Variants in WRN observed in about 807,000 individuals in gnomAD.
WRN encodes the protein bifunctional 3'-5' exonuclease/ATP-dependent helicase WRN.
WRN carries 149 observed loss-of-function variants against 180.7 expected under a neutral mutation model. That is an observed-to-expected ratio of 0.82 (90% confidence interval 0.72 to 0.94). The LOEUF (loss-of-function observed/expected upper bound fraction) is 0.94, where lower values mean the gene tolerates loss of function less well. Ranked by LOEUF, WRN falls within the 40% of genes least tolerant of loss-of-function variation. The probability of loss-of-function intolerance (pLI) is 0.00; values close to 1 mark genes in which losing one functional copy is unlikely to be tolerated. For missense variants in WRN, 1,661 were observed against 1,700.1 expected, an observed-to-expected ratio of 0.98 and a Z score of 0.40; for synonymous variants, 548 against 568.9, an observed-to-expected ratio of 0.96 and a Z score of 0.52.
rs578101386 is a variant in WRN at position 31,077,461 on chromosome 8, C to T, written c.839+1174C>T. 7.9e-5 allele frequency among the ~76,000 whole-genome samples: 12 copies of T among 152,230 alleles called. No individual in the cohort carries two copies. The East Asian group carries it at 2.1e-3, about 27-fold the overall frequency. On this transcript the variant is annotated intron_variant, in intron 8 of 34. Coordinates refer to ENST00000298139, the MANE Select transcript of WRN (RefSeq NM_000553.6). ...GTTTCACCGTGTTAGCCAGGATCGTCTCGATCTCCGGACCTCGTGATCTGC... is the reference window on the plus strand; with the variant it reads ...GTTTCACCGTGTTAGCCAGGATCGTTTCGATCTCCGGACCTCGTGATCTGC...
At chr8:31,143,515 CTTTT>C in intron 27 of WRN, 31 bp from the exon 28 acceptor site, 1 of 1,461,116 alleles carries the variant, frequency 6.8e-7, no homozygotes, top group Non-Finnish European at 9.4e-7. Flanking sequence ...TTTTTTGAAA[CTTTT>C]TTTAATGGAC....
chr8:31,090,597 T>A (rs1426541804), intron 14 of WRN, 65 bp downstream of exon 14: 1 of 1,465,536 alleles, frequency 6.8e-7, no homozygotes, highest in Non-Finnish European at 9.5e-7. Context: ...TTGAAATGCT[T>A]AATCTTTCAT....
chr8:31,134,322 TTTAG>T (rs1318792955), intron 24 of WRN, among the ~76,000 whole-genome samples: 2 of 152,146 alleles, frequency 1.3e-5, no homozygotes, highest in African/African-American at 2.4e-5. Flanking sequence ...ATAATTGGAG[TTTAG>T]TTAAAGAGAT....
rs13439551 is a variant in WRN at position 31,154,300 on chromosome 8, G to C, written c.3688-324G>C. ...TTCATTCATTCAATATTCACTTCCA[G>C]GAGATTGGGGACTTATTTAAAGACA... On this transcript the variant is annotated intron_variant, in intron 31 of 34. Transcript: ENST00000298139. Among the ~76,000 whole-genome samples the C allele has an allele frequency of 3.8e-3, 584 of 152,032 alleles. 6 individuals carry two copies. Among genetic ancestry groups the C allele is most frequent in the African/African-American group, 0.014 (561 of 41,522 alleles).
chr8:31,172,580 A>C (rs1804144132), intron 34 of WRN, among the ~76,000 whole-genome samples: 1 of 152,224 alleles, frequency 6.6e-6, no homozygotes, highest in Admixed American at 6.5e-5. Context: ...TAGATGTTAG[A>C]AGCTATATTC....
At chr8:31,059,992 G>T (rs1299385085) in intron 3 of WRN, among the ~76,000 whole-genome samples, 1 of 151,894 alleles carries the variant, frequency 6.6e-6, no homozygotes, top group Non-Finnish European at 1.5e-5. Context: ...GGAGGCAGAG[G>T]TTGCGGTGAG....
At chr8:31,046,508 G>A (rs1563320409) in intron 1 of WRN, among the ~76,000 whole-genome samples, 2 of 152,156 alleles carry the variant, frequency 1.3e-5, no homozygotes, top group Non-Finnish European at 2.9e-5. Flanking sequence ...GGAGAAAAAT[G>A]ACCTTCCCTC....
intron 23 of WRN, among the ~76,000 whole-genome samples, chr8:31,126,389 A>G (rs1300259969): frequency 2.0e-5 from 3 of 152,244 alleles, no homozygotes; most frequent in Admixed American, 2.0e-4. Flanking sequence ...ACACTTATAA[A>G]TAAATCCATG....
At position 31,059,147 on chromosome 8, in the gene WRN, C is replaced by T; in HGVS notation, c.97-6C>T. 1 of 1,609,642 alleles carries T rather than the reference C, an allele frequency of 6.2e-7. No individual in the cohort carries two copies. Among genetic ancestry groups the T allele is most frequent in the Non-Finnish European group, 8.5e-7 (1 of 1,176,052 alleles). ...TGTGCCTGTTTTGAAATTTACTAAA[C>T]TCAAGGCATGTGTTCGGAAGAGTGT... is the stretch of plus-strand genomic sequence containing the variant. On this transcript the variant is annotated splice_region_variant and splice_polypyrimidine_tract_variant and intron_variant, in intron 2 of 34. Coordinates refer to ENST00000298139, the MANE Select transcript of WRN (RefSeq NM_000553.6).
intron 24 of WRN, among the ~76,000 whole-genome samples, chr8:31,136,410 T>G (rs1802398370): frequency 6.6e-6 from 1 of 152,244 alleles, no homozygotes; most frequent in South Asian, 2.1e-4. Flanking sequence ...TGAGTTAAAC[T>G]GAAAGCTGAA....
At chr8:31,146,438 T>C (rs1381301464) in intron 28 of WRN, among the ~76,000 whole-genome samples, 2 of 152,048 alleles carry the variant, frequency 1.3e-5, no homozygotes, top group African/African-American at 2.4e-5. Context: ...TTTATTTTCT[T>C]GGTTTTGAGT....
chr8:31,129,282 A>G (rs1188128206), intron 23 of WRN, among the ~76,000 whole-genome samples: 1 of 152,154 alleles, frequency 6.6e-6, no homozygotes, highest in African/African-American at 2.4e-5. Context: ...ACGCTTGACT[A>G]ATGTTTTTGT....
chr8:31,085,108 A>C, intron 10 of WRN, 58 bp from the exon 11 acceptor site: 1 of 1,568,836 alleles, frequency 6.4e-7, no homozygotes, highest in Non-Finnish European at 8.7e-7. Context: ...TGTTCTGCAG[A>C]AAAGAGGATA....
chr8:31,068,233 T>C, intron 6 of WRN, 25 bp from the exon 7 acceptor site: 5 of 1,548,358 alleles, frequency 3.2e-6, no homozygotes, highest in Non-Finnish European at 4.4e-6. Flanking sequence ...TAGCATACTT[T>C]TTAAATTTTT....
chr8:31,117,649 C>T (rs1486222688), intron 20 of WRN, among the ~76,000 whole-genome samples: 1 of 152,210 alleles, frequency 6.6e-6, no homozygotes, highest in East Asian at 1.9e-4. Context: ...AACTTCAGCT[C>T]TTGCATTTTC....
intron 33 of WRN, among the ~76,000 whole-genome samples, chr8:31,159,944 C>CA (rs35353095): frequency 0.24 from 24,487 of 101,688 alleles, 2,868 homozygotes; most frequent in Non-Finnish European, 0.28. Context: ...GACTCTGTCT[C>CA]AAAAAAAAAA....
intron 7 of WRN, among the ~76,000 whole-genome samples, chr8:31,069,731 G>A (rs1383584152): frequency 6.6e-6 from 1 of 152,162 alleles, no homozygotes; most frequent in Non-Finnish European, 1.5e-5. Flanking sequence ...ACAGAGGAAT[G>A]ACTGTATGTT....
intron 34 of WRN, among the ~76,000 whole-genome samples, chr8:31,168,595 C>T (rs964298248): frequency 6.6e-6 from 1 of 151,662 alleles, no homozygotes; most frequent in African/African-American, 2.4e-5. Flanking sequence ...CCCTTTTCCC[C>T]ATTTAGGGGA....
intron 7 of WRN, among the ~76,000 whole-genome samples, chr8:31,071,335 G>A (rs146883348): frequency 3.7e-4 from 57 of 152,106 alleles, no homozygotes; most frequent in African/African-American, 1.2e-3. Context: ...TAAGAACTTG[G>A]GCTCTAGAAT....
Sources: allele counts gnomAD v4.1 joint callset (sites outside exome capture counted in the v4.1 genomes callset), GRCh38; gene constraint gnomAD v4.1.1; transcripts MANE v1.5; gene names NCBI Gene and HGNC (gene_info 2026-07-23, HGNC 2026-07-21).